DNM3: variants seen among roughly 807,000 people sequenced by gnomAD.
DNM3 encodes dynamin-3.
Under a neutral mutation model 101.6 loss-of-function variants are expected in DNM3, and 47 were observed. That is an observed-to-expected ratio of 0.46 (90% CI 0.37 to 0.59). The LOEUF (loss-of-function observed/expected upper bound fraction) is 0.59. DNM3 is among the 20% of genes least tolerant of loss of function. The pLI, the probability that DNM3 is intolerant of heterozygous loss-of-function variation, is 0.00. For synonymous variants in DNM3, 385 were observed against 387.9 expected, an observed-to-expected ratio of 0.99 and a Z score of 0.09; for missense variants, 849 against 1,085.7, an observed-to-expected ratio of 0.78 and a Z score of 3.06.
chr1:172,180,845 T>C (rs1444708528), intron 14 of DNM3, among the ~76,000 whole-genome samples: 1 of 152,158 alleles, frequency 6.6e-6, no homozygotes. Context: ...TACTTTGGCA[T>C]GTGGCATTTA....
chr1:172,328,679 C>G (rs1377352312), intron 17 of DNM3, among the ~76,000 whole-genome samples: 1 of 152,100 alleles, frequency 6.6e-6, no homozygotes, highest in Non-Finnish European at 1.5e-5. Flanking sequence ...AAAAAATTTC[C>G]TATCAGGTAC....
At chr1:172,238,417 C>T (rs937736919) in intron 14 of DNM3, among the ~76,000 whole-genome samples, 2 of 152,038 alleles carry the variant, frequency 1.3e-5, no homozygotes, top group Non-Finnish European at 2.9e-5. Context: ...TAATTCATTC[C>T]TTGTAAATGG....
chr1:171,925,964 T>G (rs2040538417), intron 2 of DNM3, among the ~76,000 whole-genome samples: 1 of 152,230 alleles, frequency 6.6e-6, no homozygotes, highest in Non-Finnish European at 1.5e-5. Context: ...GAGTAGGATG[T>G]TCTTTCCTCA....
At chr1:171,849,756 C>T (rs1340666071) in intron 1 of DNM3, among the ~76,000 whole-genome samples, 4 of 151,942 alleles carry the variant, frequency 2.6e-5, no homozygotes, top group Admixed American at 6.5e-5. Context: ...ATTAATCCTT[C>T]GAATTTCTGT....
At chr1:172,129,877 C>T (rs980151366) in intron 13 of DNM3, among the ~76,000 whole-genome samples, 6 of 151,966 alleles carry the variant, frequency 3.9e-5, no homozygotes, top group African/African-American at 4.8e-5. Context: ...GTTAAAAAGC[C>T]GTGGAGAAAA....
intron 11 of DNM3, among the ~76,000 whole-genome samples, chr1:172,072,615 C>T (rs1368242757): frequency 5.9e-5 from 9 of 152,118 alleles, no homozygotes; most frequent in Non-Finnish European, 1.3e-4. Context: ...TGGCCAGGCA[C>T]GGTGGCTCAC....
Position 172,411,647 on chromosome 1 carries a change from A to AC in DNM3, c.*3807dup. The AC allele has an allele frequency of 1.0e-6, 1 of 985,256 alleles. No individual in the cohort carries two copies. Among genetic ancestry groups the AC allele is most frequent in the South Asian group, 4.7e-5 (1 of 21,286 alleles). 61.0% of individuals were successfully genotyped at this position (985,256 alleles called of 1,614,324 possible). A position where few individuals can be genotyped will look rare whatever the true frequency, so the allele number is the denominator to read the frequency against. On this transcript the variant is annotated 3_prime_UTR_variant, in exon 21 of 21. Transcript: ENST00000627582. ...CTAATACCTTGGAGGTAGGTCATCC[A>AC]CTTTTTCAGGTAAACATTTTTCATT...
At chr1:172,055,052 T>C (rs1043237206) in intron 10 of DNM3, among the ~76,000 whole-genome samples, 46 of 150,116 alleles carry the variant, frequency 3.1e-4, no homozygotes, top group African/African-American at 1.1e-3. Context: ...TTGTGGCTTA[T>C]TAGGTAAGTA....
At chr1:171,960,135 A>G (rs939575523) in intron 2 of DNM3, among the ~76,000 whole-genome samples, 15 of 152,168 alleles carry the variant, frequency 9.9e-5, no homozygotes, top group Non-Finnish European at 2.1e-4. Context: ...AATGAGAAAA[A>G]TTTGGACACA....
intron 11 of DNM3, among the ~76,000 whole-genome samples, chr1:172,080,350 T>G (rs2053041240): frequency 6.6e-6 from 1 of 152,168 alleles, no homozygotes; most frequent in South Asian, 2.1e-4. Flanking sequence ...GGAGGCAGTC[T>G]GACTACAGCA....
At chr1:172,063,469 C>T (rs936947710) in intron 10 of DNM3, among the ~76,000 whole-genome samples, 1 of 151,646 alleles carries the variant, frequency 6.6e-6, no homozygotes, top group Non-Finnish European at 1.5e-5. Flanking sequence ...ATAACACTTA[C>T]AACATTGGAC....
intron 14 of DNM3, among the ~76,000 whole-genome samples, chr1:172,212,526 C>T (rs1273543249): frequency 6.6e-6 from 1 of 152,144 alleles, no homozygotes; most frequent in Admixed American, 6.6e-5. Context: ...ATTACCAACT[C>T]ATTCACAAGC....
intron 20 of DNM3, among the ~76,000 whole-genome samples, chr1:172,399,562 C>A (rs1236501291): frequency 1.3e-5 from 2 of 152,110 alleles, no homozygotes; most frequent in African/African-American, 4.8e-5. Flanking sequence ...TCTCACGAAG[C>A]ATTTAATTGG....
At chr1:172,312,143 G>C (rs1418218127) in intron 16 of DNM3, among the ~76,000 whole-genome samples, 1 of 152,188 alleles carries the variant, frequency 6.6e-6, no homozygotes, top group Non-Finnish European at 1.5e-5. Context: ...AATTTAGAAA[G>C]ACTTGATGAA....
At chr1:172,235,046 C>T (rs1234875260) in intron 14 of DNM3, among the ~76,000 whole-genome samples, 3 of 151,958 alleles carry the variant, frequency 2.0e-5, no homozygotes, top group Admixed American at 2.0e-4. Context: ...AAGAAACTAC[C>T]ATCAGAGTGA....
intron 14 of DNM3, among the ~76,000 whole-genome samples, chr1:172,193,528 C>G (rs2059821367): frequency 6.6e-6 from 1 of 152,098 alleles, no homozygotes; most frequent in Non-Finnish European, 1.5e-5. Context: ...ATTATTGCCT[C>G]AATTTCAGAA....
At chr1:172,247,561 T>C (rs1039309921) in intron 14 of DNM3, among the ~76,000 whole-genome samples, 19 of 152,236 alleles carry the variant, frequency 1.2e-4, no homozygotes, top group African/African-American at 4.6e-4. Context: ...AAAAAATTAA[T>C]TTGGTGCCAT....
intron 2 of DNM3, among the ~76,000 whole-genome samples, chr1:171,977,706 T>C (rs1367254220): frequency 2.0e-5 from 3 of 152,156 alleles, no homozygotes; most frequent in Non-Finnish European, 4.4e-5. Flanking sequence ...ATATTCCTGG[T>C]TTTCCTTCTA....
chr1:172,089,062 A>G (rs575061656), intron 12 of DNM3, among the ~76,000 whole-genome samples: 1 of 152,410 alleles, frequency 6.6e-6, no homozygotes, highest in East Asian at 1.9e-4. Flanking sequence ...ATGACAAACG[A>G]CAAATGTGCG....
Sources: allele counts gnomAD v4.1 joint callset (sites outside exome capture counted in the v4.1 genomes callset), GRCh38; gene constraint gnomAD v4.1.1; transcripts MANE v1.5; gene names NCBI Gene and HGNC (gene_info 2026-07-23, HGNC 2026-07-21).